The following LRP2 variants were observed in gnomAD, a reference collection of about 807,000 sequenced individuals.
The protein encoded by LRP2 is LDL receptor related protein 2, also known as low-density lipoprotein receptor-related protein 2.
LRP2 carries 172 observed loss-of-function variants against 531.0 expected under a neutral mutation model. The ratio of observed to expected loss-of-function variants is 0.32; its 90% CI spans 0.29 to 0.37. The LOEUF is 0.37. Ranked by LOEUF, LRP2 falls within the 10% of genes least tolerant of loss-of-function variation. The pLI is 1.00. For missense variants in LRP2, 5,167 were observed against 5,868.3 expected (o/e 0.88, Z 3.90); for synonymous variants, 1,992 against 2,027.6 (o/e 0.98, Z 0.47).
At chr2:169,358,645 A>C (rs1686057635) in intron 1 of LRP2, among the ~76,000 whole-genome samples, 1 of 152,220 alleles carries the variant, frequency 6.6e-6, no homozygotes, top group Non-Finnish European at 1.5e-5. Flanking sequence ...TGTAATTGTC[A>C]TAAAAGCTGA....
intron 4 of LRP2, among the ~76,000 whole-genome samples, chr2:169,301,075 C>T (rs886252912): frequency 6.6e-6 from 1 of 152,088 alleles, no homozygotes; most frequent in Non-Finnish European, 1.5e-5. Flanking sequence ...GCAAGAAAGC[C>T]TTCATTGTAA....
At chr2:169,219,727 C>T (rs527881846) in intron 34 of LRP2, among the ~76,000 whole-genome samples, 10 of 152,226 alleles carry the variant, frequency 6.6e-5, no homozygotes, top group African/African-American at 2.4e-4. Context: ...GAAAAACTAA[C>T]TATTGGGTAC....
In LRP2 at chr2:169,225,385, C is replaced by T. The variant is rs1296309004; in HGVS notation, c.5463G>A (p.Gly1821=). 6.2e-7 allele frequency: 1 copy of T among 1,613,834 alleles called. No homozygotes were observed. Among genetic ancestry groups the T allele is most frequent in the African/African-American group, 1.3e-5 (1 of 74,900 alleles). Reference sequence around the variant, plus strand: ...AATCTAAGGCCAGGTTCATAGAAGGCCCCACCATAGATATAGAAGCAAATA... The same window carrying T: ...AATCTAAGGCCAGGTTCATAGAAGGTCCCACCATAGATATAGAAGCAAATA... ...RTVFASISMV[G]PSMNLALDWI... is the part of the protein sequence containing the mutation. The change falls in exon 33 of 79, where the codon GGG becomes GGA. Residue 1821 remains glycine, a synonymous_variant. Transcript: ENST00000649046.
intron 1 of LRP2, among the ~76,000 whole-genome samples, chr2:169,339,954 T>A (rs1169738344): frequency 1.3e-5 from 2 of 152,134 alleles, no homozygotes; most frequent in Non-Finnish European, 2.9e-5. Context: ...AAGCACAAAC[T>A]TATGGATACA....
rs988846981 is a variant in LRP2, at chr2:169,159,485, G to C, written c.11888-1983C>G. 3.3e-5 allele frequency among the ~76,000 whole-genome samples: 5 copies of C among 152,156 alleles called. 1 individual carries two copies. Among genetic ancestry groups the C allele is most frequent in the African/African-American group, 4.8e-5 (2 of 41,444 alleles). Reference sequence around the variant, plus strand: ...GTGCAGACTTCAAAGCTGTATGCATGAAAGTCTTATAATAAAGATCCTAGC... The same window carrying C: ...GTGCAGACTTCAAAGCTGTATGCATCAAAGTCTTATAATAAAGATCCTAGC... On this transcript the variant is annotated intron_variant, in intron 63 of 78. Coordinates refer to ENST00000649046, the MANE Select transcript of LRP2 (RefSeq NM_004525.3).
chr2:169,328,520 A>G (rs1293048856), intron 1 of LRP2, among the ~76,000 whole-genome samples: 1 of 151,126 alleles, frequency 6.6e-6, no homozygotes, highest in African/African-American at 2.4e-5. Context: ...CTTTTTTGAC[A>G]GAGCCTATAA....
At chr2:169,202,710 C>T (rs1397852715) in intron 43 of LRP2, 46 bp downstream of exon 43, 3 of 1,586,996 alleles carry the variant, frequency 1.9e-6, no homozygotes, top group African/African-American at 2.7e-5. Context: ...CACTTGACAT[C>T]AAGATGCCAT....
intron 26 of LRP2, 102 bp downstream of exon 26, chr2:169,239,425 C>G (rs561713101): frequency 2.5e-6 from 4 of 1,592,558 alleles, no homozygotes; most frequent in Non-Finnish European, 3.4e-6. Context: ...GGATTCAAGT[C>G]GATCTAACTC....
At chr2:169,222,097 C>T (rs9283479) in intron 33 of LRP2, among the ~76,000 whole-genome samples, 76,149 of 152,020 alleles carry the variant, frequency 0.5, 20,331 homozygotes, top group African/African-American at 0.69. Flanking sequence ...AAAGTGAATA[C>T]GATTCCTATT....
chr2:169,156,453 C>T (rs931723829), intron 64 of LRP2, 48 bp from the exon 65 acceptor site: 8 of 1,610,298 alleles, frequency 5.0e-6, no homozygotes, highest in Non-Finnish European at 6.8e-6. Flanking sequence ...CCCATCCATT[C>T]CTTAGAGATC....
chr2:169,146,010 T>C (rs1685892682), intron 69 of LRP2, 87 bp from the exon 70 acceptor site: 1 of 1,195,440 alleles, frequency 8.4e-7, no homozygotes, highest in African/African-American at 1.5e-5. Context: ...AGATCTGATG[T>C]CATTCTGCTT....
intron 65 of LRP2, among the ~76,000 whole-genome samples, chr2:169,155,824 C>T (rs371890641): frequency 6.6e-6 from 1 of 152,198 alleles, no homozygotes; most frequent in South Asian, 2.1e-4. Context: ...TTGATTTGCC[C>T]CAATTCACGA....
intron 75 of LRP2, among the ~76,000 whole-genome samples, chr2:169,138,143 C>A (rs890631328): frequency 6.6e-6 from 1 of 152,140 alleles, no homozygotes; most frequent in South Asian, 2.1e-4. Context: ...TCTGGACCAA[C>A]GCCAACTCTA....
chr2:169,142,841 C>T (rs748193441), intron 70 of LRP2, 48 bp from the exon 71 acceptor site: 2 of 1,609,870 alleles, frequency 1.2e-6, no homozygotes, highest in Non-Finnish European at 1.7e-6. Flanking sequence ...GAATGAATAA[C>T]CTGAATACCC....
intron 20 of LRP2, 114 bp downstream of exon 20, chr2:169,247,264 A>C: frequency 8.7e-7 from 1 of 1,154,526 alleles, no homozygotes; most frequent in South Asian, 1.4e-5. Flanking sequence ...CAAGAATATA[A>C]AACTACCAGG....
chr2:169,185,459 T>C, intron 50 of LRP2, 44 bp downstream of exon 50: 1 of 1,596,444 alleles, frequency 6.3e-7, no homozygotes, highest in Non-Finnish European at 8.5e-7. Flanking sequence ...TGGTTAGAAT[T>C]TTTTAATTTT....
chr2:169,343,579 G>T (rs1247578194), intron 1 of LRP2, among the ~76,000 whole-genome samples: 1 of 152,122 alleles, frequency 6.6e-6, no homozygotes, highest in South Asian at 2.1e-4. Flanking sequence ...TACCTATAAG[G>T]TAGAAATTAC....
At chr2:169,265,047 T>C (rs1165467674) in intron 16 of LRP2, among the ~76,000 whole-genome samples, 1 of 151,902 alleles carries the variant, frequency 6.6e-6, no homozygotes, top group Admixed American at 6.6e-5. Flanking sequence ...ATCTTCCCCT[T>C]ACCCCAAGAA....
At chr2:169,211,822 A>C in intron 37 of LRP2, 146 bp downstream of exon 37, 1 of 1,141,262 alleles carries the variant, frequency 8.8e-7, no homozygotes, top group Non-Finnish European at 1.3e-6. Context: ...TTTGAAAAAC[A>C]CTTTAGGCTG....
Sources: allele counts gnomAD v4.1 joint callset (sites outside exome capture counted in the v4.1 genomes callset), GRCh38; gene constraint gnomAD v4.1.1; transcripts MANE v1.5; gene names NCBI Gene and HGNC (gene_info 2026-07-23, HGNC 2026-07-21).